Variants in RELCH observed in about 807,000 individuals in gnomAD.
The protein encoded by RELCH is RAB11-binding protein RELCH.
In RELCH, 41 loss-of-function variants were observed where a neutral mutation model predicts 150.3. The observed-to-expected ratio is 0.27, with a 90% confidence interval of 0.21 to 0.35. The LOEUF is 0.35. Among genes scored for constraint, RELCH ranks in the 10% least tolerant of loss-of-function variants. RELCH has a pLI of 1.00. For synonymous variants in RELCH, 478 were observed against 531.8 expected, an observed-to-expected ratio of 0.90 and a Z score of 1.39; for missense variants, 1,092 against 1,467.8, an observed-to-expected ratio of 0.74 and a Z score of 4.18.
intron 13 of RELCH, among the ~76,000 whole-genome samples, chr18:62,256,376 AGGAACTAGGCAC>A (rs1425654674): frequency 6.6e-6 from 1 of 152,072 alleles, no homozygotes; most frequent in Non-Finnish European, 1.5e-5. Context: ...TACCTTCACC[AGGAACTAGGCAC>A]GGTGAAATTT....
chr18:62,207,030 T>C (rs1396249247), intron 1 of RELCH, among the ~76,000 whole-genome samples: 1 of 152,094 alleles, frequency 6.6e-6, no homozygotes, highest in African/African-American at 2.4e-5. Context: ...GTTTTTAGTA[T>C]ATTTCCATTC....
chr18:62,309,953 T>G lies in RELCH; in HGVS notation c.*4419T>G, dbSNP rs1337533515. ...GCTTTTTATAATTTTAACAAACTGC[T>G]TCCCTCCTGGAAAAGTAACCCTTTC... On this transcript the variant is annotated 3_prime_UTR_variant, in exon 29 of 29. Transcript: ENST00000644646. 6.6e-6 allele frequency: 1 copy of G among 152,224 alleles called. No individual in the cohort carries two copies. The allele number at this position is 152,224 out of a possible 1,614,324, so 9.4% of individuals were successfully genotyped here.
chr18:62,283,712 G>A (rs1285780859), intron 25 of RELCH, among the ~76,000 whole-genome samples: 1 of 152,184 alleles, frequency 6.6e-6, no homozygotes, highest in African/African-American at 2.4e-5. Flanking sequence ...GTTAGCACTA[G>A]GGATAGTTCC....
At chr18:62,206,505 G>A (rs2039789830) in intron 1 of RELCH, among the ~76,000 whole-genome samples, 1 of 152,286 alleles carries the variant, frequency 6.6e-6, no homozygotes, top group Non-Finnish European at 1.5e-5. Flanking sequence ...GGGAGCCCAA[G>A]GTGGAGTCCA....
chr18:62,254,013 C>A (rs2042866958), intron 12 of RELCH, among the ~76,000 whole-genome samples: 1 of 152,048 alleles, frequency 6.6e-6, no homozygotes. Context: ...TTTTTGCTAT[C>A]CCAAAGACAA....
intron 12 of RELCH, among the ~76,000 whole-genome samples, chr18:62,253,829 A>C (rs1017813919): frequency 1.3e-5 from 2 of 152,334 alleles, no homozygotes; most frequent in African/African-American, 4.8e-5. Context: ...ACTTGGAGTC[A>C]AAATAACTTG....
intron 1 of RELCH, among the ~76,000 whole-genome samples, chr18:62,210,946 T>C (rs1283557994): frequency 6.6e-6 from 1 of 152,166 alleles, no homozygotes; most frequent in Non-Finnish European, 1.5e-5. Flanking sequence ...TATTTGGGAG[T>C]TGGCCGGAGA....
At chr18:62,269,407 T>C (rs1568409982) in intron 20 of RELCH, 1 of 428,414 alleles carries the variant, frequency 2.3e-6, no homozygotes, top group South Asian at 1.7e-5. Flanking sequence ...ATTTTTTTTT[T>C]CAGATAAAGG....
intron 1 of RELCH, among the ~76,000 whole-genome samples, chr18:62,203,944 A>T (rs1324097834): frequency 3.3e-5 from 5 of 152,214 alleles, no homozygotes. Flanking sequence ...ATGCCACTGC[A>T]TTCCAGCCTC....
At chr18:62,212,051 C>G (rs962852858) in intron 2 of RELCH, among the ~76,000 whole-genome samples, 1 of 152,212 alleles carries the variant, frequency 6.6e-6, no homozygotes, top group African/African-American at 2.4e-5. Context: ...CCCATCCCCC[C>G]ATCCTCTCTC....
intron 5 of RELCH, among the ~76,000 whole-genome samples, chr18:62,224,883 T>C (rs574136640): frequency 1.3e-5 from 2 of 152,012 alleles, no homozygotes; most frequent in Non-Finnish European, 2.9e-5. Flanking sequence ...TTTTCTAAAA[T>C]TCATATGAAA....
In RELCH at chr18:62,213,537, C is replaced by T. The variant is rs142467967; in HGVS notation, c.616+2295C>T. Among the ~76,000 whole-genome samples the T allele has an allele frequency of 2.3e-3, 349 of 152,022 alleles. 12 individuals carry two copies. The East Asian group carries it at 0.058, about 25-fold the overall frequency. ...CTGAGGTCAGGAGTTCGAGACCAGC[C>T]TGACCAATATGGTGAAACCCCATCT... On this transcript the variant is annotated intron_variant, in intron 2 of 28. Transcript: ENST00000644646.
chr18:62,206,615 G>A (rs1292786932), intron 1 of RELCH, among the ~76,000 whole-genome samples: 1 of 152,136 alleles, frequency 6.6e-6, no homozygotes, highest in African/African-American at 2.4e-5. Context: ...TAAGTACTGT[G>A]TAAGTAACAA....
At chr18:62,204,797 G>C (rs1020625124) in intron 1 of RELCH, among the ~76,000 whole-genome samples, 1 of 152,122 alleles carries the variant, frequency 6.6e-6, no homozygotes, top group Non-Finnish European at 1.5e-5. Context: ...TTCTTTTAGT[G>C]ATTCATGGTC....
intron 27 of RELCH, among the ~76,000 whole-genome samples, chr18:62,295,977 C>T (rs2145103541): frequency 6.6e-6 from 1 of 152,230 alleles, no homozygotes; most frequent in African/African-American, 2.4e-5. Flanking sequence ...TCCAGTATTT[C>T]ATAACTGACC....
At position 62,211,240 on chromosome 18, in the gene RELCH, C is replaced by T. The variant is rs1361771416; in HGVS notation, c.614C>T (p.Ala205Val). Residue 205 changes from alanine (A) to valine (V), a missense_variant and splice_region_variant, in exon 2 of 29, where the codon GCA becomes GTA. Ala to Val is a moderately conservative substitution (Grantham distance 64). This residue lies in a region of RELCH where 190 missense variants were observed against 276.2 expected (regional missense o/e 0.69). Transcript: ENST00000644646. Reference sequence around the variant, plus strand: ...AACAGGGAAACAGATGAAAAAGTGGCAGGTGAGTAAAATTGTAAGGACAGA... The same window carrying T: ...AACAGGGAAACAGATGAAAAAGTGGTAGGTGAGTAAAATTGTAAGGACAGA... Reference protein sequence around the residue: ...DGNRETDEKVAVLEFELRKAK... With the variant: ...DGNRETDEKVVVLEFELRKAK... 1.9e-6 allele frequency: 3 copies of T among 1,580,292 alleles called. No homozygotes were observed. The highest frequency in any genetic ancestry group is 1.7e-4 in the Middle Eastern group (1 of 5,966).
chr18:62,206,899 C>G (rs540254814), intron 1 of RELCH, among the ~76,000 whole-genome samples: 6 of 150,918 alleles, frequency 4.0e-5, no homozygotes, highest in Non-Finnish European at 8.8e-5. Context: ...TTGTTCTTTC[C>G]TTCTGCCTTT....
intron 8 of RELCH, among the ~76,000 whole-genome samples, chr18:62,229,597 A>C (rs2148421843): frequency 6.6e-6 from 1 of 152,018 alleles, no homozygotes; most frequent in South Asian, 2.1e-4. Flanking sequence ...ATAGTATGAG[A>C]GAGACAGACA....
intron 15 of RELCH, 108 bp from the exon 16 acceptor site, chr18:62,261,403 G>A (rs2043263027): frequency 1.0e-6 from 1 of 953,884 alleles, no homozygotes; most frequent in Non-Finnish European, 1.6e-6. Context: ...CAACATAAAG[G>A]TCCTTAAATC....
Sources: allele counts gnomAD v4.1 joint callset (sites outside exome capture counted in the v4.1 genomes callset), GRCh38; gene constraint gnomAD v4.1.1; regional missense constraint gnomAD v4.1.1; transcripts MANE v1.5; gene names NCBI Gene and HGNC (gene_info 2026-07-23, HGNC 2026-07-21).